Variants in SH3BP4 observed in about 807,000 individuals in gnomAD.
SH3BP4 encodes the protein SH3 domain-binding protein 4.
Under a neutral mutation model 65.5 loss-of-function variants are expected in SH3BP4, and 33 were observed. The observed-to-expected ratio is 0.50, with a 90% CI of 0.38 to 0.67. SH3BP4 has a LOEUF of 0.67. Among genes scored for constraint, SH3BP4 ranks in the 30% least tolerant of loss-of-function variants. The pLI, the probability that SH3BP4 is intolerant of heterozygous loss-of-function variation, is 0.00. For synonymous variants in SH3BP4, 552 were observed against 545.5 expected (o/e 1.01, Z -0.17); for missense variants, 1,134 against 1,261.4 (o/e 0.90, Z 1.53).
At chr2:234,961,651 A>G (rs959477351) in intron 1 of SH3BP4, among the ~76,000 whole-genome samples, 4 of 152,164 alleles carry the variant, frequency 2.6e-5, no homozygotes, top group Non-Finnish European at 5.9e-5. Flanking sequence ...TACATGTACC[A>G]TAGTTTATTC....
rs145593647 is a variant in SH3BP4 at position 235,043,201 on chromosome 2, A to G, written c.2432A>G (p.Asn811Ser). The G allele has an allele frequency of 4.1e-5, 65 of 1,596,516 alleles. No individual in the cohort carries two copies. In the African/African-American group the frequency reaches 7.0e-4, roughly 17 times the overall value. ...GAAAAGCTGAAGGAGGACTGTAACA[A>G]CACTGAGAACAAAGAACGGAAGTCC... ...VLEKLKEDCN[N>S]TENKERKSFQ... Residue 811 changes from asparagine (N) to serine (S), a missense_variant, in exon 4 of 6, where the codon AAC becomes AGC. Asn to Ser is a conservative substitution (Grantham distance 46, BLOSUM62 1). Coordinates refer to ENST00000392011, the MANE Select transcript of SH3BP4 (RefSeq NM_014521.3).
chr2:234,960,508 C>G (rs1311706969), intron 1 of SH3BP4, among the ~76,000 whole-genome samples: 1 of 152,164 alleles, frequency 6.6e-6, no homozygotes, highest in East Asian at 1.9e-4. Flanking sequence ...ATCAGGAGAT[C>G]AGGCACTGGC....
Position 234,977,819 on chromosome 2 carries a change from G to A in SH3BP4, c.-206-17484G>A, listed in dbSNP as rs1693216064. On this transcript the variant is annotated intron_variant, in intron 1 of 5. Coordinates refer to ENST00000392011, the MANE Select transcript of SH3BP4 (RefSeq NM_014521.3). The surrounding 1 kb of genome is among the most constrained non-coding windows in gnomAD (Gnocchi z 5.1). Reference sequence around the variant, plus strand: ...CACACACATGGGCACACACACACATGCGTGCACACACACGCAGACCCTGAG... The same window carrying A: ...CACACACATGGGCACACACACACATACGTGCACACACACGCAGACCCTGAG... Among the ~76,000 whole-genome samples, 1 of 152,072 alleles carries A rather than the reference G, an allele frequency of 6.6e-6. No homozygotes were observed. Among genetic ancestry groups the A allele is most frequent in the Admixed American group, 6.5e-5 (1 of 15,270 alleles).
chr2:234,973,285 T>G (rs1693050427), intron 1 of SH3BP4, among the ~76,000 whole-genome samples: 2 of 152,186 alleles, frequency 1.3e-5, no homozygotes, highest in Non-Finnish European at 2.9e-5. Context: ...GAAGGCCATC[T>G]TCCGGGGAAA....
At chr2:234,975,153 A>C (rs1356657671) in intron 1 of SH3BP4, among the ~76,000 whole-genome samples, 1 of 152,152 alleles carries the variant, frequency 6.6e-6, no homozygotes, top group Non-Finnish European at 1.5e-5. Context: ...CTGGGGAGAC[A>C]GGCATTTTGT....
rs764931297 is a variant in SH3BP4 at position 235,035,144 on chromosome 2, G to A, written c.118+24G>A. The A allele has an allele frequency of 2.6e-6, 4 of 1,537,748 alleles. No homozygotes were observed. The highest frequency in any genetic ancestry group is 3.4e-5 in the Admixed American group (2 of 59,238). ...AGGTGAGCTTCTGGGGAACAGGACT[G>A]TGGCTAAGGGAGAACGTTGGGATTT... On this transcript the variant is annotated intron_variant, in intron 3 of 5. Transcript: ENST00000392011. This position sits in a 1 kb window ranked among gnomAD's most constrained non-coding sequence, Gnocchi z 5.0.
At chr2:234,985,542 T>C (rs1426281294) in intron 1 of SH3BP4, among the ~76,000 whole-genome samples, 1 of 151,636 alleles carries the variant, frequency 6.6e-6, no homozygotes, top group East Asian at 2.0e-4. Flanking sequence ...TTTCACTCTC[T>C]GTGCACAGGT....
At position 235,034,255 on chromosome 2, in the gene SH3BP4, C is replaced by A. The variant is rs771421016; in HGVS notation, c.-132-616C>A. Among the ~76,000 whole-genome samples, 3 of 152,176 alleles carry A rather than the reference C, an allele frequency of 2.0e-5. No individual in the cohort carries two copies. Among genetic ancestry groups the A allele is most frequent in the Non-Finnish European group, 4.4e-5 (3 of 68,026 alleles). ...TAGTAACAGTGGTTCAGTAAATATG[C>A]CCTGGTTTCATCTGCATACGTTGCA... On this transcript the variant is annotated intron_variant, in intron 2 of 5. Transcript: ENST00000392011. This position sits in a 1 kb window ranked among gnomAD's most constrained non-coding sequence, Gnocchi z 6.2.
chr2:235,009,256 T>C (rs1694397571), intron 2 of SH3BP4, among the ~76,000 whole-genome samples: 1 of 152,084 alleles, frequency 6.6e-6, no homozygotes, highest in Admixed American at 6.5e-5. Context: ...CGGCCTGCAG[T>C]GTGTGTCTGT....
intron 1 of SH3BP4, among the ~76,000 whole-genome samples, chr2:234,956,711 G>T (rs528749099): frequency 6.6e-6 from 1 of 150,550 alleles, no homozygotes; most frequent in Non-Finnish European, 1.5e-5. Context: ...ACACCAGCAC[G>T]CCCGGGTAGT....
At position 235,041,807 on chromosome 2, in the gene SH3BP4, C is replaced by A; in HGVS notation, c.1038C>A (p.Val346=). 6.3e-7 allele frequency: 1 copy of A among 1,595,176 alleles called. No individual in the cohort carries two copies. Among genetic ancestry groups the A allele is most frequent in the Non-Finnish European group, 8.6e-7 (1 of 1,169,164 alleles). ...SISIHVPEGH[V]APGETQQISM... The stretch of plus-strand genomic sequence containing the variant: ...GCATCCACGTGCCCGAGGGCCACGT[C>A]GCCCCTGGGGAGACCCAGCAGATCT... The change falls in exon 4 of 6, where the codon GTC becomes GTA. Residue 346 remains valine (V), a synonymous_variant. Transcript: ENST00000392011. This position sits in a 1 kb window ranked among gnomAD's most constrained non-coding sequence, Gnocchi z 6.0.
At chr2:235,010,189 A>T (rs1694433758) in intron 2 of SH3BP4, among the ~76,000 whole-genome samples, 1 of 152,006 alleles carries the variant, frequency 6.6e-6, no homozygotes, top group Non-Finnish European at 1.5e-5. Context: ...TTTCTCCATA[A>T]ACCTTGAGCC....
chr2:234,958,108 G>C (rs1692629760), intron 1 of SH3BP4, among the ~76,000 whole-genome samples: 2 of 152,094 alleles, frequency 1.3e-5, no homozygotes, highest in Non-Finnish European at 2.9e-5. Flanking sequence ...GGTGTGATGA[G>C]CTGTTCTCAG....
intron 4 of SH3BP4, among the ~76,000 whole-genome samples, chr2:235,047,605 A>G (rs1393746407): frequency 1.3e-5 from 2 of 152,228 alleles, no homozygotes; most frequent in South Asian, 2.1e-4. Flanking sequence ...GGTCTCTGTT[A>G]TGGTGGGGAA....
At chr2:235,047,093 G>T (rs1695887790) in intron 4 of SH3BP4, among the ~76,000 whole-genome samples, 1 of 152,184 alleles carries the variant, frequency 6.6e-6, no homozygotes. Context: ...CCTGTGGGTG[G>T]CTATTCTGAC....
At chr2:234,963,254 A>G (rs1425016360) in intron 1 of SH3BP4, among the ~76,000 whole-genome samples, 1 of 152,236 alleles carries the variant, frequency 6.6e-6, no homozygotes, top group Non-Finnish European at 1.5e-5. Flanking sequence ...TCTTTGATAT[A>G]TAGATTTTTC....
chr2:234,968,558 G>T (rs1383815009), intron 1 of SH3BP4, among the ~76,000 whole-genome samples: 1 of 152,078 alleles, frequency 6.6e-6, no homozygotes, highest in Non-Finnish European at 1.5e-5. Context: ...CAAATCGATT[G>T]TATTTTCTCT....
chr2:235,043,143 G>A lies in SH3BP4; in HGVS notation c.2374G>A (p.Asp792Asn), dbSNP rs777035851. ...PLTFFCRAEL[D>N]SEPERVASVL... ...CACCTTTTTCTGCCGGGCAGAGCTG[G>A]ATAGTGAGCCCGAGCGGGTGGCGTC... Residue 792 changes from aspartate to asparagine, a missense_variant, in exon 4 of 6, where the codon GAT becomes AAT. Asp to Asn is a conservative substitution (Grantham distance 23). Coordinates refer to ENST00000392011, the MANE Select transcript of SH3BP4 (RefSeq NM_014521.3). 6.2e-7 allele frequency: 1 copy of A among 1,613,356 alleles called. No homozygotes were observed. Among genetic ancestry groups the A allele is most frequent in the Admixed American group, 1.7e-5 (1 of 60,006 alleles).
intron 1 of SH3BP4, among the ~76,000 whole-genome samples, chr2:234,970,067 ACTCACACT>A (rs968720147): frequency 1.2e-4 from 16 of 129,134 alleles, no homozygotes; most frequent in African/African-American, 5.9e-4. Flanking sequence ...TCATACACAC[ACTCACACT>A]GTCACTCACA....
Sources: gnomAD v4.1 joint callset for allele counts (sites outside exome capture counted in the v4.1 genomes callset) on GRCh38, gnomAD v4.1.1 for gene constraint, Gnocchi (gnomAD v3.1) non-coding constraint, MANE v1.5 for transcripts, NCBI Gene and HGNC (gene_info 2026-07-23, HGNC 2026-07-21) for gene names.